DLGAP2: variants seen among roughly 807,000 people sequenced by gnomAD.
DLGAP2 encodes the protein disks large-associated protein 2.
Under a neutral mutation model 100.3 loss-of-function variants are expected in DLGAP2, and 26 were observed. The ratio of observed to expected loss-of-function variants is 0.26; its 90% CI spans 0.19 to 0.36. DLGAP2 has a LOEUF of 0.36. DLGAP2 is among the 10% of genes least tolerant of loss of function. DLGAP2 has a pLI of 1.00. For missense variants in DLGAP2, 1,858 were observed against 1,453.2 expected (o/e 1.28, Z -4.53); for synonymous variants, 886 against 630.1 (o/e 1.41, Z -6.08).
chr8:909,680 C>G (rs984312740), intron 2 of DLGAP2, among the ~76,000 whole-genome samples: 3 of 152,168 alleles, frequency 2.0e-5, no homozygotes, highest in Admixed American at 6.5e-5. Flanking sequence ...ACTGTCATGT[C>G]AGCTGTGGAA....
At chr8:1,623,403 A>T (rs1797399757) in intron 6 of DLGAP2, among the ~76,000 whole-genome samples, 1 of 151,438 alleles carries the variant, frequency 6.6e-6, no homozygotes, top group Non-Finnish European at 1.5e-5. Context: ...CCAGTGTGTG[A>T]TGACCTGGCA....
At chr8:825,211 C>T (rs1284114692) in intron 1 of DLGAP2, among the ~76,000 whole-genome samples, 1 of 152,194 alleles carries the variant, frequency 6.6e-6, no homozygotes, top group African/African-American at 2.4e-5. Context: ...TACATACATG[C>T]CCTGGACGCC....
intron 6 of DLGAP2, among the ~76,000 whole-genome samples, chr8:1,623,879 T>A (rs772559783): frequency 5.3e-5 from 8 of 152,232 alleles, no homozygotes; most frequent in Non-Finnish European, 7.3e-5. Flanking sequence ...TTAAAAAAAA[T>A]TATTAGCTTT....
chr8:869,458 G>T (rs1029901983), intron 1 of DLGAP2, among the ~76,000 whole-genome samples: 3 of 152,102 alleles, frequency 2.0e-5, no homozygotes, highest in Non-Finnish European at 4.4e-5. Flanking sequence ...ACGTTTGTAC[G>T]CTGAGGGCTC....
chr8:1,571,806 G>A (rs372800007), intron 6 of DLGAP2, among the ~76,000 whole-genome samples: 14 of 119,672 alleles, frequency 1.2e-4, no homozygotes, highest in African/African-American at 3.1e-4. Flanking sequence ...ACTATGGGGC[G>A]TCTGATGAGA....
At chr8:1,545,379 G>A (rs1239387994) in intron 4 of DLGAP2, among the ~76,000 whole-genome samples, 1 of 152,170 alleles carries the variant, frequency 6.6e-6, no homozygotes, top group Non-Finnish European at 1.5e-5. Flanking sequence ...CCCCATAAGT[G>A]CAACAGTAAG....
rs559603261 is a variant in DLGAP2 at position 1,200,042 on chromosome 8, C to T, written c.74-58809C>T. On this transcript the variant is annotated intron_variant, in intron 2 of 14. Coordinates refer to ENST00000637795, the MANE Select transcript of DLGAP2 (RefSeq NM_001346810.2). ...AGTGTGGGGAGGCTGGGGGTGACCC[C>T]GAGAACAGGAGGATGAGGACGACTC... Among the ~76,000 whole-genome samples, 11 of 152,192 alleles carry T rather than the reference C, an allele frequency of 7.2e-5. 1 individual carries two copies. The South Asian group carries it at 1.2e-3, about 17-fold the overall frequency.
chr8:1,654,231 G>A (rs4876117), intron 8 of DLGAP2, among the ~76,000 whole-genome samples: 18,601 of 152,210 alleles, frequency 0.12, 1,294 homozygotes, highest in South Asian at 0.26. Flanking sequence ...TGTAACAAAT[G>A]CTACCTCCTG....
At chr8:768,731 G>C (rs1212213751) in intron 1 of DLGAP2, among the ~76,000 whole-genome samples, 1 of 152,086 alleles carries the variant, frequency 6.6e-6, no homozygotes, top group African/African-American at 2.4e-5. Flanking sequence ...TCTTGACTCT[G>C]ATTGAGCCCA....
At chr8:897,341 C>G (rs1798162051) in intron 1 of DLGAP2, among the ~76,000 whole-genome samples, 1 of 152,146 alleles carries the variant, frequency 6.6e-6, no homozygotes, top group Admixed American at 6.6e-5. Context: ...AAGGTGAACA[C>G]CACGATTGTG....
At chr8:1,448,708 C>A (rs979472220) in intron 3 of DLGAP2, among the ~76,000 whole-genome samples, 1 of 152,236 alleles carries the variant, frequency 6.6e-6, no homozygotes, top group Admixed American at 6.5e-5. Flanking sequence ...TAGTTCTTTG[C>A]TATTGTTTTT....
chr8:1,643,890 C>G (rs542849776), intron 8 of DLGAP2, among the ~76,000 whole-genome samples: 1 of 6,272 alleles, frequency 1.6e-4, no homozygotes. Context: ...TGTCACCCTC[C>G]AACCCGCCGG....
intron 1 of DLGAP2, among the ~76,000 whole-genome samples, chr8:768,809 A>G (rs1206357833): frequency 6.6e-6 from 1 of 152,122 alleles, no homozygotes; most frequent in Non-Finnish European, 1.5e-5. Context: ...AAAACCTAAC[A>G]TTTAAAATTG....
chr8:1,489,776 G>A (rs1246284925), intron 3 of DLGAP2, among the ~76,000 whole-genome samples: 5 of 152,168 alleles, frequency 3.3e-5, no homozygotes, highest in East Asian at 1.9e-4. Flanking sequence ...CAATTCTCAC[G>A]TAACGTTACG....
intron 2 of DLGAP2, among the ~76,000 whole-genome samples, chr8:987,839 G>C (rs1157785300): frequency 6.6e-6 from 1 of 152,122 alleles, no homozygotes; most frequent in Non-Finnish European, 1.5e-5. Flanking sequence ...ACATATGACA[G>C]ATAAAAAGGA....
At chr8:1,674,624 A>G (rs1331567582) in intron 10 of DLGAP2, among the ~76,000 whole-genome samples, 1 of 152,256 alleles carries the variant, frequency 6.6e-6, no homozygotes, top group African/African-American at 2.4e-5. Context: ...TATTTCACTC[A>G]TATCAGATTT....
chr8:1,288,712 G>T (rs1408741231), intron 3 of DLGAP2, among the ~76,000 whole-genome samples: 1 of 146,434 alleles, frequency 6.8e-6, no homozygotes, highest in Non-Finnish European at 1.5e-5. Context: ...TCTGTTAGGG[G>T]AACTTGTTTC....
At chr8:1,151,760 G>T (rs1469296590) in intron 2 of DLGAP2, among the ~76,000 whole-genome samples, 1 of 152,154 alleles carries the variant, frequency 6.6e-6, no homozygotes, top group Non-Finnish European at 1.5e-5. Context: ...CCAGGATCAG[G>T]CATTTAGGTT....
chr8:1,191,981 T>C (rs1797649957), intron 2 of DLGAP2, among the ~76,000 whole-genome samples: 1 of 152,226 alleles, frequency 6.6e-6, no homozygotes, highest in South Asian at 2.1e-4. Flanking sequence ...AAACTTAACA[T>C]CTCAAAATCA....
Sources: gnomAD v4.1 joint callset for allele counts (sites outside exome capture counted in the v4.1 genomes callset) on GRCh38, gnomAD v4.1.1 for gene constraint, MANE v1.5 for transcripts, NCBI Gene and HGNC (gene_info 2026-07-23, HGNC 2026-07-21) for gene names.